Variants in CSMD1 observed in about 807,000 individuals in gnomAD.
The protein encoded by CSMD1 is CUB and sushi domain-containing protein 1.
A neutral mutation model predicts 417.5 loss-of-function variants in CSMD1; 213 were observed. That is an observed-to-expected ratio of 0.51 (90% CI 0.46 to 0.57). CSMD1 has a LOEUF of 0.57. Among genes scored for constraint, CSMD1 ranks in the 20% least tolerant of loss-of-function variants. The probability of loss-of-function intolerance (pLI) is 0.00; values close to 1 mark genes in which losing one functional copy is unlikely to be tolerated. For synonymous variants in CSMD1, 2,862 were observed against 1,736.8 expected (o/e 1.65, Z -16.11); for missense variants, 6,923 against 4,529.7 (o/e 1.53, Z -15.17).
At position 3,157,302 on chromosome 8, in the gene CSMD1, A is replaced by G. The variant is rs554750605; in HGVS notation, c.5914+595T>C. On this transcript the variant is annotated intron_variant, in intron 39 of 69. Transcript: ENST00000635120. ...GAGGGACTTGTGACCACCACCTTCA[A>G]TGCCCCTGGAATCATTAAACTCCCA... 2.0e-5 allele frequency among the ~76,000 whole-genome samples: 3 copies of G among 152,262 alleles called. No individual in the cohort carries two copies. In the East Asian group the frequency reaches 5.8e-4, roughly 29 times the overall value.
chr8:3,257,652 G>T (rs919004401), intron 26 of CSMD1, among the ~76,000 whole-genome samples: 1 of 152,082 alleles, frequency 6.6e-6, no homozygotes, highest in Admixed American at 6.6e-5. Context: ...CGGGTACCTG[G>T]GGCCAAGGCT....
At chr8:4,106,120 A>T (rs1563130992) in intron 3 of CSMD1, among the ~76,000 whole-genome samples, 1 of 152,164 alleles carries the variant, frequency 6.6e-6, no homozygotes, top group Admixed American at 6.5e-5. Context: ...GGGTGGAGGG[A>T]AAGTGACCAT....
At chr8:3,411,711 T>TATATATAC (rs1585124037) in intron 12 of CSMD1, among the ~76,000 whole-genome samples, 45 of 129,972 alleles carry the variant, frequency 3.5e-4, no homozygotes, top group East Asian at 3.2e-3. Context: ...TATATACACG[T>TATATATAC]ATATATACAC....
chr8:3,959,285 C>T (rs1358757594), intron 5 of CSMD1, among the ~76,000 whole-genome samples: 1 of 152,108 alleles, frequency 6.6e-6, no homozygotes, highest in East Asian at 1.9e-4. Context: ...GGACTTGAGG[C>T]CAGAAATGTG....
At chr8:3,977,762 T>C (rs1329110479) in intron 5 of CSMD1, among the ~76,000 whole-genome samples, 1 of 152,242 alleles carries the variant, frequency 6.6e-6, no homozygotes, top group Non-Finnish European at 1.5e-5. Flanking sequence ...TGAATCTGCA[T>C]GTATGCTTAG....
At chr8:3,422,967 G>A (rs974067116) in intron 12 of CSMD1, among the ~76,000 whole-genome samples, 1 of 152,130 alleles carries the variant, frequency 6.6e-6, no homozygotes, top group South Asian at 2.1e-4. Context: ...TTTATTAAGG[G>A]TCACAGCTCT....
intron 1 of CSMD1, among the ~76,000 whole-genome samples, chr8:4,883,305 T>C (rs1803532596): frequency 6.6e-6 from 1 of 152,106 alleles, no homozygotes; most frequent in Non-Finnish European, 1.5e-5. Flanking sequence ...GATAAATGTA[T>C]ATAATACCTC....
Position 3,157,872 on chromosome 8 carries a change from A to T in CSMD1, c.5914+25T>A, listed in dbSNP as rs148646344. On this transcript the variant is annotated intron_variant, in intron 39 of 69. Transcript: ENST00000635120. ...TTCTTCCCAGTGTGTGCGCAGCAGC[A>T]GAGTTACAGAAGGTGCATCCTTACC... 227 of 1,538,026 alleles carry T rather than the reference A, an allele frequency of 1.5e-4. 1 individual carries two copies. The African/African-American group carries it at 2.8e-3, about 19-fold the overall frequency.
intron 44 of CSMD1, 28 bp from the exon 45 acceptor site, chr8:3,107,826 T>C: frequency 7.2e-7 from 1 of 1,392,916 alleles, no homozygotes; most frequent in Non-Finnish European, 1.0e-6. Flanking sequence ...AGAATAATAA[T>C]AATTGCAATT....
chr8:4,037,844 T>A (rs887613178), intron 3 of CSMD1, among the ~76,000 whole-genome samples: 1 of 152,048 alleles, frequency 6.6e-6, no homozygotes, highest in African/African-American at 2.4e-5. Context: ...TAATATATTA[T>A]AAAGTAGATC....
chr8:4,189,724 T>G (rs1201585031), intron 3 of CSMD1, among the ~76,000 whole-genome samples: 1 of 152,170 alleles, frequency 6.6e-6, no homozygotes, highest in African/African-American at 2.4e-5. Flanking sequence ...GTATTCTAAT[T>G]AATACTTTTG....
chr8:4,467,942 AAC>A (rs1800284271), intron 2 of CSMD1, among the ~76,000 whole-genome samples: 1 of 152,174 alleles, frequency 6.6e-6, no homozygotes, highest in Non-Finnish European at 1.5e-5. Flanking sequence ...TTCCTGAACT[AAC>A]AAAGTAATAT....
intron 2 of CSMD1, among the ~76,000 whole-genome samples, chr8:4,591,827 TA>T (rs1445499923): frequency 6.6e-6 from 1 of 152,084 alleles, no homozygotes; most frequent in Non-Finnish European, 1.5e-5. Flanking sequence ...AAAGACCGTC[TA>T]GGGGGCCTCT....
intron 7 of CSMD1, among the ~76,000 whole-genome samples, chr8:3,673,661 C>T (rs577652519): frequency 5.9e-5 from 9 of 152,294 alleles, no homozygotes; most frequent in Middle Eastern, 3.4e-3. Flanking sequence ...AAAGCATTTA[C>T]GGTGTGAGCT....
At chr8:3,903,820 T>C (rs976407373) in intron 5 of CSMD1, among the ~76,000 whole-genome samples, 8 of 152,172 alleles carry the variant, frequency 5.3e-5, no homozygotes, top group African/African-American at 1.7e-4. Flanking sequence ...CATGTTTTCT[T>C]CGAGCTCTGA....
intron 1 of CSMD1, among the ~76,000 whole-genome samples, chr8:4,868,157 G>A (rs1197070169): frequency 1.3e-5 from 2 of 152,068 alleles, no homozygotes; most frequent in African/African-American, 2.4e-5. Context: ...GGGTTGATGG[G>A]AGAATTAAAT....
intron 3 of CSMD1, among the ~76,000 whole-genome samples, chr8:4,044,063 C>G (rs779184221): frequency 6.6e-6 from 1 of 151,966 alleles, no homozygotes; most frequent in Non-Finnish European, 1.5e-5. Context: ...ACTGGGGTTC[C>G]TGTCTTTTCT....
In CSMD1 at chr8:4,412,722, A is replaced by G. The variant is rs75868027; in HGVS notation, c.415+7231T>C. On this transcript the variant is annotated intron_variant, in intron 3 of 69. Coordinates refer to ENST00000635120, the MANE Select transcript of CSMD1 (RefSeq NM_033225.6). ...TAACCAACATATAAAGACATAGTGA[A>G]AAGTTAATAAATTACAGCTTATAGG... Among the ~76,000 whole-genome samples the G allele has an allele frequency of 5.7e-3, 869 of 152,318 alleles. 33 individuals are homozygous for G. In the East Asian group the frequency reaches 0.09, roughly 16 times the overall value.
intron 57 of CSMD1, among the ~76,000 whole-genome samples, chr8:2,971,546 A>G (rs1028861822): frequency 6.6e-6 from 1 of 152,158 alleles, no homozygotes; most frequent in African/African-American, 2.4e-5. Context: ...AGTGCCTCAT[A>G]TCGGGAAGAT....
Sources: gnomAD v4.1 joint callset for allele counts (sites outside exome capture counted in the v4.1 genomes callset) on GRCh38, gnomAD v4.1.1 for gene constraint, MANE v1.5 for transcripts, NCBI Gene and HGNC (gene_info 2026-07-23, HGNC 2026-07-21) for gene names.